The following MAP7D1 variants were observed in gnomAD, a reference collection of about 807,000 sequenced individuals.
MAP7D1 encodes MAP7 domain-containing protein 1.
Under a neutral mutation model 97.5 loss-of-function variants are expected in MAP7D1, and 30 were observed. The ratio of observed to expected loss-of-function variants is 0.31; its 90% confidence interval spans 0.23 to 0.42. MAP7D1 has a LOEUF of 0.42. Among genes scored for constraint, MAP7D1 ranks in the 10% least tolerant of loss-of-function variants. The pLI is 1.00. For synonymous variants in MAP7D1, 536 were observed against 477.1 expected (o/e 1.12, Z -1.61); for missense variants, 1,184 against 1,179.5 (o/e 1.00, Z -0.06).
chr1:36,169,694 C>T (rs1250286297), intron 1 of MAP7D1, among the ~76,000 whole-genome samples: 1 of 152,212 alleles, frequency 6.6e-6, no homozygotes. Flanking sequence ...CACCAGGGCT[C>T]AACATACAGA....
intron 3 of MAP7D1, 32 bp downstream of exon 3, chr1:36,171,613 C>A: frequency 6.2e-7 from 1 of 1,608,344 alleles, no homozygotes; most frequent in Non-Finnish European, 8.5e-7. Context: ...TCATCTTCTT[C>A]ATCGTCATCA....
At position 36,176,136 on chromosome 1, in the gene MAP7D1, T is replaced by A; in HGVS notation, c.851-63T>A. 6.3e-7 allele frequency: 1 copy of A among 1,575,012 alleles called. No individual in the cohort carries two copies. The highest frequency in any genetic ancestry group is 8.6e-7 in the Non-Finnish European group (1 of 1,165,028). On this transcript the variant is annotated intron_variant, in intron 6 of 16. Transcript: ENST00000474796. The surrounding 1 kb of genome is among the most constrained non-coding windows in gnomAD (Gnocchi z 6.1). ...TGGGGATGGTGCCTGGTCTGCTCCC[T>A]TGCCTCTTCCTGCCTCCTACGGCCC...
intron 1 of MAP7D1, chr1:36,157,361 C>T (rs1644349855): frequency 6.6e-6 from 1 of 152,530 alleles, no homozygotes; most frequent in Non-Finnish European, 1.5e-5. Flanking sequence ...GATACCTCCC[C>T]CCTTACTCTC....
intron 13 of MAP7D1, 45 bp from the exon 14 acceptor site, chr1:36,179,470 G>T (rs201068769): frequency 2.5e-6 from 4 of 1,577,972 alleles, no homozygotes. Flanking sequence ...AAGTGGCTGG[G>T]GCCGGCTGTC....
chr1:36,161,919 G>C (rs1644417898), intron 1 of MAP7D1, among the ~76,000 whole-genome samples: 1 of 151,672 alleles, frequency 6.6e-6, no homozygotes, highest in Admixed American at 6.6e-5. Context: ...GTGAGAGAGA[G>C]AGGAGAATAT....
rs1364140404 is a variant in MAP7D1 at position 36,156,460 on chromosome 1, C to T, written c.43C>T (p.Pro15Ser). 6.8e-7 allele frequency: 1 copy of T among 1,466,648 alleles called. No homozygotes were observed. Among genetic ancestry groups the T allele is most frequent in the Admixed American group, 2.6e-5 (1 of 38,708 alleles). 90.9% of individuals were successfully genotyped at this position (1,466,648 alleles called of 1,614,324 possible). ...PRAELGAGAP[P>S]AVVARTPPEP... ...TGCGGAGCTGGGGGCGGGCGCACCCCCAGGTATGCCGGGAGCCACGCGGAG... is the reference window on the plus strand; with the variant it reads ...TGCGGAGCTGGGGGCGGGCGCACCCTCAGGTATGCCGGGAGCCACGCGGAG... Residue 15 changes from proline to serine, a missense_variant, in exon 1 of 17, where the codon CCA (proline) becomes TCA (serine). By Grantham distance (74) the Pro-to-Ser change is moderately conservative. Coordinates refer to ENST00000474796, the MANE Select transcript of MAP7D1 (RefSeq NM_001388490.1).
Position 36,171,022 on chromosome 1 carries a change from C to CT in MAP7D1, c.100dup (p.Ser34PhefsTer27). The stretch of plus-strand genomic sequence containing the variant: ...CCAAGACCTTCTCCAGAAGGTGACC[C>CT]TTCCCCCCCACCACCACCAATGTCA... On this transcript the variant is annotated frameshift_variant, in exon 2 of 17. Coordinates refer to ENST00000474796, the MANE Select transcript of MAP7D1 (RefSeq NM_001388490.1). LOFTEE classifies it high-confidence loss of function. 1.3e-6 allele frequency: 2 copies of CT among 1,584,362 alleles called. No homozygotes were observed. The highest frequency in any genetic ancestry group is 1.7e-6 in the Non-Finnish European group (2 of 1,155,990).
intron 12 of MAP7D1, 87 bp downstream of exon 12, chr1:36,179,112 G>T: frequency 3.3e-6 from 5 of 1,500,598 alleles, no homozygotes; most frequent in Non-Finnish European, 4.5e-6. Flanking sequence ...CGGACAGGAC[G>T]GGAAAGCGCT....
chr1:36,174,585 G>T (rs1388676377), intron 5 of MAP7D1, among the ~76,000 whole-genome samples: 1 of 152,138 alleles, frequency 6.6e-6, no homozygotes, highest in Admixed American at 6.5e-5. Flanking sequence ...GGGTGGTTAT[G>T]GGGAGGGGTT....
Position 36,180,347 on chromosome 1 carries a change from A to G in MAP7D1, c.*89A>G. 1.4e-5 allele frequency: 22 copies of G among 1,589,654 alleles called. No homozygotes were observed. The highest frequency in any genetic ancestry group is 1.9e-5 in the Non-Finnish European group (22 of 1,157,818). ...TGGAGGAGAAAAAGACAGAACAAAG[A>G]TGGAAGTGGCCTGGGCCCCTGGGGG... On this transcript the variant is annotated 3_prime_UTR_variant, in exon 17 of 17. Coordinates refer to ENST00000474796, the MANE Select transcript of MAP7D1 (RefSeq NM_001388490.1).
At chr1:36,175,222 C>A (rs558881795) in intron 6 of MAP7D1, among the ~76,000 whole-genome samples, 28 of 151,358 alleles carry the variant, frequency 1.8e-4, no homozygotes, top group African/African-American at 6.6e-4. Flanking sequence ...GAGAGGAGAA[C>A]AGAGACAAAG....
Position 36,173,569 on chromosome 1 carries a change from C to T in MAP7D1, c.739+91C>T, listed in dbSNP as rs1644578055. 6.5e-6 allele frequency: 6 copies of T among 925,710 alleles called. No individual in the cohort carries two copies. The South Asian group carries it at 8.2e-5, about 13-fold the overall frequency. 57.3% of individuals were successfully genotyped at this position (925,710 alleles called of 1,614,324 possible). On this transcript the variant is annotated intron_variant, in intron 5 of 16. Coordinates refer to ENST00000474796, the MANE Select transcript of MAP7D1 (RefSeq NM_001388490.1). ...CAACTTCCCTACAAAAAGCTGGTGG[C>T]TCCCTGCAGCAGGTGTGCCTTGCTT...
chr1:36,175,453 T>C (rs1006343797), intron 6 of MAP7D1, among the ~76,000 whole-genome samples: 37 of 152,196 alleles, frequency 2.4e-4, no homozygotes, highest in African/African-American at 8.9e-4. Flanking sequence ...GCCCATGCAA[T>C]CCTGCCCTCT....
chr1:36,160,994 A>C (rs1333367021), intron 1 of MAP7D1, among the ~76,000 whole-genome samples: 2 of 152,304 alleles, frequency 1.3e-5, no homozygotes, highest in East Asian at 3.9e-4. Flanking sequence ...GCTGGGGCTG[A>C]GGGAGGGATG....
rs146755650 is a variant in MAP7D1, at chr1:36,167,635, C to A, written c.47-3336C>A. 2.0e-5 allele frequency among the ~76,000 whole-genome samples: 3 copies of A among 152,348 alleles called. No homozygotes were observed. In the East Asian group the frequency reaches 5.8e-4, roughly 29 times the overall value. On this transcript the variant is annotated intron_variant, in intron 1 of 16. Transcript: ENST00000474796. Reference sequence around the variant, plus strand: ...CATGAGGGAACTGTGGTTACACAGGCTCAGGGCTTGCCCGAGGTTCGCCGG... The same window carrying A: ...CATGAGGGAACTGTGGTTACACAGGATCAGGGCTTGCCCGAGGTTCGCCGG...
At chr1:36,166,063 G>T (rs970065053) in intron 1 of MAP7D1, among the ~76,000 whole-genome samples, 1 of 152,106 alleles carries the variant, frequency 6.6e-6, no homozygotes, top group Admixed American at 6.6e-5. Flanking sequence ...CTAAGGGAAG[G>T]CTCCATTTAA....
chr1:36,156,456 AC>A lies in MAP7D1; in HGVS notation c.44del (p.Pro15GlnfsTer41), dbSNP rs1291758787. Reference protein sequence around the residue: ...GPRAELGAGAPPAVVARTPPE... With the variant: ...GPRAELGAGAXPAVVARTPPE... ...CGCGTGCGGAGCTGGGGGCGGGCGC[AC>A]CCCCAGGTATGCCGGGAGCCACGCG... On this transcript the variant is annotated frameshift_variant, in exon 1 of 17. Transcript: ENST00000474796. LOFTEE classifies it high-confidence loss of function. The A allele has an allele frequency of 2.7e-6, 4 of 1,466,428 alleles. No homozygotes were observed. The highest frequency in any genetic ancestry group is 3.0e-5 in the East Asian group (1 of 33,562). The allele number at this position is 1,466,428 out of a possible 1,614,324, so 90.8% of individuals were successfully genotyped here.
intron 1 of MAP7D1, among the ~76,000 whole-genome samples, chr1:36,163,569 GA>G (rs1264449643): frequency 1.3e-5 from 2 of 152,202 alleles, no homozygotes; most frequent in African/African-American, 4.8e-5. Context: ...TAATTGTGAA[GA>G]AAATATTTGT....
intron 1 of MAP7D1, among the ~76,000 whole-genome samples, chr1:36,162,127 C>T (rs145384407): frequency 7.2e-5 from 11 of 152,224 alleles, no homozygotes; most frequent in African/African-American, 2.4e-4. Context: ...TGTCTTCTCT[C>T]GGCCTCGTGC....
Sources: gnomAD v4.1 joint callset for allele counts (sites outside exome capture counted in the v4.1 genomes callset) on GRCh38, gnomAD v4.1.1 for gene constraint, Gnocchi (gnomAD v3.1) non-coding constraint, MANE v1.5 for transcripts, NCBI Gene and HGNC (gene_info 2026-07-23, HGNC 2026-07-21) for gene names.